Variants in ZCRB1 observed in about 807,000 individuals in gnomAD.
ZCRB1 encodes the protein zinc finger CCHC-type and RNA-binding motif-containing protein 1.
In ZCRB1, 21 loss-of-function variants were observed where a neutral mutation model predicts 29.9. The ratio of observed to expected loss-of-function variants is 0.70; its 90% confidence interval spans 0.50 to 1.01. The LOEUF is 1.01. Among genes scored for constraint, ZCRB1 ranks in the 50% least tolerant of loss-of-function variants. The probability of loss-of-function intolerance (pLI) is 0.00; values close to 1 mark genes in which losing one functional copy is unlikely to be tolerated. For missense variants in ZCRB1, 204 were observed against 253.3 expected, an observed-to-expected ratio of 0.81 and a Z score of 1.32; for synonymous variants, 77 against 80.0, an observed-to-expected ratio of 0.96 and a Z score of 0.20.
chr12:42,324,489 G>A (rs1228322972), intron 1 of ZCRB1, among the ~76,000 whole-genome samples: 1 of 152,052 alleles, frequency 6.6e-6, no homozygotes, highest in Non-Finnish European at 1.5e-5. Flanking sequence ...CAATACATCA[G>A]ACCAGTCTGG....
chr12:42,313,584 G>T (rs1195514852), intron 7 of ZCRB1, 106 bp downstream of exon 7: 2 of 1,221,570 alleles, frequency 1.6e-6, no homozygotes, highest in Non-Finnish European at 2.3e-6. Flanking sequence ...GGCTTAGGAG[G>T]TTAGGGGGAA....
intron 3 of ZCRB1, among the ~76,000 whole-genome samples, chr12:42,319,144 C>T (rs1263070610): frequency 1.3e-5 from 2 of 152,008 alleles, no homozygotes. Context: ...AGTAGTATTT[C>T]AAAAGAAGTA....
In ZCRB1 at chr12:42,324,063, C is replaced by T; in HGVS notation, c.40G>A (p.Val14Ile). ...GTCAGGGAAAAAGGCAAGTTGGATA[C>T]ATACACTGTGCTCTTACTTGGAGCC... is the stretch of plus-strand genomic sequence containing the variant. ...GLAPSKSTVY[V>I]SNLPFSLTNN... is the part of the protein sequence containing the mutation. The change falls in exon 2 of 8, where the codon GTA (valine) becomes ATA (isoleucine). Residue 14 changes from valine to isoleucine, a missense_variant. Physicochemically the swap from Val to Ile is conservative, Grantham distance 29. Coordinates refer to ENST00000266529, the MANE Select transcript of ZCRB1 (RefSeq NM_033114.4). The T allele has an allele frequency of 6.2e-7, 1 of 1,614,164 alleles. No individual in the cohort carries two copies. The highest frequency in any genetic ancestry group is 1.1e-5 in the South Asian group (1 of 91,082).
chr12:42,317,720 A>G (rs1311971265), intron 4 of ZCRB1, 67 bp downstream of exon 4: 1 of 1,357,886 alleles, frequency 7.4e-7, no homozygotes, highest in East Asian at 2.3e-5. Flanking sequence ...CTATATCCCC[A>G]CATTTTTGGC....
intron 5 of ZCRB1, among the ~76,000 whole-genome samples, chr12:42,314,401 A>T (rs1174822557): frequency 1.1e-5 from 1 of 87,030 alleles, no homozygotes; most frequent in Non-Finnish European, 2.4e-5. Flanking sequence ...CTCTACTAAA[A>T]AAAAAAAAAA....
chr12:42,325,016 A>G (rs1386933152), intron 1 of ZCRB1, among the ~76,000 whole-genome samples: 2 of 152,238 alleles, frequency 1.3e-5, no homozygotes, highest in Non-Finnish European at 2.9e-5. Context: ...ACAAACCTAG[A>G]TGGTCTAGCC....
rs754315209 is a variant in ZCRB1 at position 42,324,046 on chromosome 12, A to G, written c.57T>C (p.Phe19=). 2 of 1,614,216 alleles carry G rather than the reference A, an allele frequency of 1.2e-6. No homozygotes were observed. The highest frequency in any genetic ancestry group is 4.5e-5 in the East Asian group (2 of 44,892). The change falls in exon 2 of 8, where the codon TTT becomes TTC. Residue 19 remains phenylalanine, a synonymous_variant. Transcript: ENST00000266529. The stretch of plus-strand genomic sequence containing the variant: ...GGTACAAGTCATTGTTTGTCAGGGA[A>G]AAAGGCAAGTTGGATACATACACTG... The part of the protein sequence containing the change: ...KSTVYVSNLP[F]SLTNNDLYRI...
Position 42,312,973 on chromosome 12 carries a change from T to C in ZCRB1, c.*94A>G. ...TGGGATGACAATAATAGTATTAACA[T>C]GATAGTATTAATTTTTCTTATTTTT... is the stretch of plus-strand genomic sequence containing the variant. On this transcript the variant is annotated 3_prime_UTR_variant, in exon 8 of 8. Transcript: ENST00000266529. The C allele has an allele frequency of 2.4e-6, 3 of 1,226,640 alleles. No individual in the cohort carries two copies. Among genetic ancestry groups the C allele is most frequent in the South Asian group, 4.6e-5 (2 of 43,172 alleles). 76.0% of individuals were successfully genotyped at this position (1,226,640 alleles called of 1,614,324 possible).
intron 5 of ZCRB1, among the ~76,000 whole-genome samples, chr12:42,315,677 G>C (rs910308455): frequency 6.6e-6 from 1 of 152,012 alleles, no homozygotes; most frequent in African/African-American, 2.4e-5. Context: ...AAAAGGAACC[G>C]ATTAACAGAT....
chr12:42,320,987 C>T (rs1399827170), intron 3 of ZCRB1, among the ~76,000 whole-genome samples: 1 of 152,194 alleles, frequency 6.6e-6, no homozygotes, highest in Non-Finnish European at 1.5e-5. Flanking sequence ...CATTGGCCTT[C>T]TTTCTATTTC....
At chr12:42,313,306 C>T in intron 7 of ZCRB1, 108 bp from the exon 8 acceptor site, 1 of 1,204,108 alleles carries the variant, frequency 8.3e-7, no homozygotes, top group Non-Finnish European at 1.1e-6. Context: ...ACTTCCCACC[C>T]TCCCAGTCCA....
At chr12:42,325,278 A>G (rs1237281601) in intron 1 of ZCRB1, 1 of 151,654 alleles carries the variant, frequency 6.6e-6, no homozygotes, top group Non-Finnish European at 1.5e-5. Flanking sequence ...TTTTCTCTGG[A>G]GTGGTGTGTT....
At position 42,326,012 on chromosome 12, in the gene ZCRB1, G is replaced by C. The variant is rs1030518400; in HGVS notation, c.-91C>G. ...CCCCGACTCTTCGTAGCCGCTCGCA[G>C]CGGCCTTGGCATCACGAGTCCTGGG... On this transcript the variant is annotated 5_prime_UTR_variant, in exon 1 of 8. Coordinates refer to ENST00000266529, the MANE Select transcript of ZCRB1 (RefSeq NM_033114.4). 1 of 152,336 alleles carries C rather than the reference G, an allele frequency of 6.6e-6. No individual in the cohort carries two copies. The highest frequency in any genetic ancestry group is 2.4e-5 in the African/African-American group (1 of 41,482). 9.4% of individuals were successfully genotyped at this position (152,336 alleles called of 1,614,324 possible). A position where few individuals can be genotyped will look rare whatever the true frequency, so the allele number is the denominator to read the frequency against.
In ZCRB1 at chr12:42,313,714, G is replaced by A. The variant is rs753201179; in HGVS notation, c.498C>T (p.Ser166=). ...EDEGEDPALD[S]LSQAIAFQQA... ...CCTGGAATGCTATGGCCTGACTGAG[G>A]CTGTCAAGAGCAGGATCCTCCCCTT... is the stretch of plus-strand genomic sequence containing the variant. Residue 166 remains serine (S), a synonymous_variant, in exon 7 of 8, where the codon AGC becomes AGT. Transcript: ENST00000266529. The A allele has an allele frequency of 1.9e-6, 3 of 1,613,838 alleles. No individual in the cohort carries two copies. Among genetic ancestry groups the A allele is most frequent in the Non-Finnish European group, 2.5e-6 (3 of 1,179,916 alleles).
rs951642891 is a variant in ZCRB1 at position 42,317,790 on chromosome 12, T to A, written c.222A>T (p.Lys74Asn). The change falls in exon 4 of 8, where the codon AAA (lysine) becomes AAT (asparagine). Residue 74 changes from lysine to asparagine, a missense_variant. Transcript: ENST00000266529. ...AQNCTRAINN[K>N]QLFGRVIKAS... is the part of the protein sequence containing the mutation. ...TTGATGGAGATGAATAGCTTACCTG[T>A]TTGTTGTTTATTGCCCTGGTACAGT... The A allele has an allele frequency of 1.2e-6, 2 of 1,612,276 alleles. No individual in the cohort carries two copies. The highest frequency in any genetic ancestry group is 2.7e-5 in the African/African-American group (2 of 74,876).
At position 42,322,429 on chromosome 12, in the gene ZCRB1, G is replaced by T; in HGVS notation, c.102C>A (p.Gly34=). ...NDLYRIFSKY[G]KVVKVTIMKD... ...ATGTGAATACTTACTTTACAACTTT[G>T]CCATACTTGGAAAATATCTGAAACA... Residue 34 remains glycine (G), a synonymous_variant, in exon 3 of 8, where the codon GGC becomes GGA. Transcript: ENST00000266529. 1 of 1,484,654 alleles carries T rather than the reference G, an allele frequency of 6.7e-7. No homozygotes were observed. The highest frequency in any genetic ancestry group is 1.4e-5 in the African/African-American group (1 of 70,488). 92.0% of individuals were successfully genotyped at this position (1,484,654 alleles called of 1,614,324 possible). A position where few individuals can be genotyped will look rare whatever the true frequency, so the allele number is the denominator to read the frequency against.
In ZCRB1 at chr12:42,313,769, A is replaced by G. The variant is rs756166892; in HGVS notation, c.447-4T>C. 1.9e-6 allele frequency: 3 copies of G among 1,613,814 alleles called. No homozygotes were observed. In the Admixed American group the frequency reaches 5.0e-5, roughly 27 times the overall value. On this transcript the variant is annotated splice_region_variant and splice_polypyrimidine_tract_variant and intron_variant, in intron 6 of 7. Transcript: ENST00000266529. ...TTCACTTTCTTCTACTTCCTCACTTAAATAAAGAAAAACAAATTGGAATGT... is the reference window on the plus strand; with the variant it reads ...TTCACTTTCTTCTACTTCCTCACTTGAATAAAGAAAAACAAATTGGAATGT...
At chr12:42,318,038 T>C in intron 3 of ZCRB1, 140 bp from the exon 4 acceptor site, 3 of 633,662 alleles carry the variant, frequency 4.7e-6, no homozygotes, top group Non-Finnish European at 8.0e-6. Flanking sequence ...CTCTTCAAAG[T>C]CAAGGGATAT....
rs550210605 is a variant in ZCRB1 at position 42,324,020 on chromosome 12, C to T, written c.83G>A (p.Arg28Gln). The T allele has an allele frequency of 6.2e-7, 1 of 1,613,228 alleles. No homozygotes were observed. Among genetic ancestry groups the T allele is most frequent in the Admixed American group, 1.7e-5 (1 of 60,014 alleles). Residue 28 changes from arginine to glutamine, a missense_variant and splice_region_variant, in exon 2 of 8, where the codon CGG becomes CAG. Transcript: ENST00000266529. ...AGTCACTCGATAAGATTTACTTACCCGGTACAAGTCATTGTTTGTCAGGGA... is the reference window on the plus strand; with the variant it reads ...AGTCACTCGATAAGATTTACTTACCTGGTACAAGTCATTGTTTGTCAGGGA... ...PFSLTNNDLY[R>Q]IFSKYGKVVK...
Sources: allele counts gnomAD v4.1 joint callset (sites outside exome capture counted in the v4.1 genomes callset), GRCh38; gene constraint gnomAD v4.1.1; transcripts MANE v1.5; gene names NCBI Gene and HGNC (gene_info 2026-07-23, HGNC 2026-07-21).